The following WIF1 variants were observed in gnomAD, a reference collection of about 807,000 sequenced individuals.
The protein encoded by WIF1 is Wnt inhibitory factor 1.
Under a neutral mutation model 53.5 loss-of-function variants are expected in WIF1, and 35 were observed. The ratio of observed to expected loss-of-function variants is 0.65; its 90% CI spans 0.50 to 0.87. The LOEUF is 0.87. WIF1 is among the 40% of genes least tolerant of loss of function. The pLI is 0.00. For missense variants in WIF1, 467 were observed against 476.8 expected (o/e 0.98, Z 0.19); for synonymous variants, 171 against 170.4 (o/e 1.00, Z -0.03).
At position 65,055,111 on chromosome 12, in the gene WIF1, C is replaced by A. The variant is rs1185728047; in HGVS notation, c.1018+7G>T. ...CTTGTTTACAACTTTTTATTTCTCC[C>A]ACTCACTTTTATTGCAGTGTCTTCC... On this transcript the variant is annotated splice_region_variant and intron_variant, in intron 9 of 9. Transcript: ENST00000286574. The A allele has an allele frequency of 6.2e-7, 1 of 1,610,802 alleles. No homozygotes were observed. Among genetic ancestry groups the A allele is most frequent in the African/African-American group, 1.3e-5 (1 of 74,612 alleles).
intron 2 of WIF1, among the ~76,000 whole-genome samples, chr12:65,093,758 A>G (rs1049324805): frequency 1.3e-5 from 2 of 152,062 alleles, no homozygotes; most frequent in African/African-American, 4.8e-5. Flanking sequence ...AAGTTCCCGC[A>G]TGTGGATAGG....
chr12:65,093,393 C>T (rs1211702708), intron 2 of WIF1, among the ~76,000 whole-genome samples: 1 of 152,056 alleles, frequency 6.6e-6, no homozygotes, highest in Non-Finnish European at 1.5e-5. Context: ...TGTTTTTTGC[C>T]TGCTTAACAC....
rs553373889 is a variant in WIF1 at position 65,093,513 on chromosome 12, A to G, written c.289-15659T>C. Among the ~76,000 whole-genome samples, 4 of 152,274 alleles carry G rather than the reference A, an allele frequency of 2.6e-5. No homozygotes were observed. The South Asian group carries it at 8.3e-4, about 32-fold the overall frequency. Reference sequence around the variant, plus strand: ...AAATTGTTTTCTCCAAATTTTGAGTACTTGTAATTCCTGTTCCTAGATGTA... The same window carrying G: ...AAATTGTTTTCTCCAAATTTTGAGTGCTTGTAATTCCTGTTCCTAGATGTA... On this transcript the variant is annotated intron_variant, in intron 2 of 9. Transcript: ENST00000286574.
intron 3 of WIF1, among the ~76,000 whole-genome samples, chr12:65,069,453 C>T (rs1334845017): frequency 1.3e-5 from 2 of 152,130 alleles, no homozygotes; most frequent in Admixed American, 1.3e-4. Context: ...GACAAAATAT[C>T]TTCTTTGAAA....
chr12:65,104,960 G>T (rs1157154730), intron 2 of WIF1, among the ~76,000 whole-genome samples: 1 of 152,168 alleles, frequency 6.6e-6, no homozygotes, highest in African/African-American at 2.4e-5. Flanking sequence ...GAAGAAATTG[G>T]GGGTGTTTAT....
chr12:65,112,450 A>ACACC (rs1465604431), intron 2 of WIF1, among the ~76,000 whole-genome samples: 2 of 148,234 alleles, frequency 1.3e-5, no homozygotes, highest in African/African-American at 5.1e-5. Context: ...ACACACACAC[A>ACACC]CCATCCTGGA....
At position 65,121,182 on chromosome 12, in the gene WIF1, T is replaced by C; in HGVS notation, c.10A>G (p.Arg4Gly). The C allele has an allele frequency of 6.5e-7, 1 of 1,539,242 alleles. No homozygotes were observed. The highest frequency in any genetic ancestry group is 8.8e-7 in the Non-Finnish European group (1 of 1,141,368). The change falls in exon 1 of 10, where the codon AGG becomes GGG. Residue 4 changes from arginine to glycine, a missense_variant. Physicochemically the swap from Arg to Gly is moderately radical, Grantham distance 125. Transcript: ENST00000286574. MARRSAFPAAALWL... is the reference protein window; with the variant it reads MARGSAFPAAALWL... ...AGCGCGGCGGCAGGGAAGGCGCTCC[T>C]CCGGGCCATGCTGCTCAGGACCTCC...
At chr12:65,086,163 T>C (rs1285972543) in intron 2 of WIF1, among the ~76,000 whole-genome samples, 1 of 149,054 alleles carries the variant, frequency 6.7e-6, no homozygotes, top group Non-Finnish European at 1.5e-5. Flanking sequence ...AAAAAAAAGG[T>C]ATTGGTATAA....
intron 2 of WIF1, among the ~76,000 whole-genome samples, chr12:65,103,847 T>C (rs1883315968): frequency 6.6e-6 from 1 of 152,138 alleles, no homozygotes; most frequent in Non-Finnish European, 1.5e-5. Flanking sequence ...ACGTGTTTAA[T>C]GGAAATAAAA....
chr12:65,107,406 C>T (rs1883366780), intron 2 of WIF1, among the ~76,000 whole-genome samples: 1 of 152,142 alleles, frequency 6.6e-6, no homozygotes, highest in Non-Finnish European at 1.5e-5. Flanking sequence ...GGACTAATCA[C>T]TGAGGTCAGG....
chr12:65,090,569 A>T (rs1035241884), intron 2 of WIF1, among the ~76,000 whole-genome samples: 10 of 152,154 alleles, frequency 6.6e-5, no homozygotes, highest in African/African-American at 2.4e-4. Context: ...CTTGGGGGTC[A>T]GGAACAGCTT....
intron 2 of WIF1, among the ~76,000 whole-genome samples, chr12:65,090,195 C>T (rs1883102213): frequency 2.0e-5 from 3 of 152,134 alleles, no homozygotes. Flanking sequence ...AGAGCTGGCT[C>T]TTGAAGGGAG....
chr12:65,063,179 A>G (rs1184224748), intron 6 of WIF1, among the ~76,000 whole-genome samples: 1 of 152,186 alleles, frequency 6.6e-6, no homozygotes, highest in Non-Finnish European at 1.5e-5. Flanking sequence ...CACAGCAGGG[A>G]CCAGAGGATG....
At chr12:65,092,510 A>G (rs1452605237) in intron 2 of WIF1, among the ~76,000 whole-genome samples, 1 of 149,094 alleles carries the variant, frequency 6.7e-6, no homozygotes, top group Non-Finnish European at 1.5e-5. Context: ...ATATGTGTGT[A>G]TATATATATA....
At chr12:65,110,052 T>C (rs971706102) in intron 2 of WIF1, among the ~76,000 whole-genome samples, 1 of 152,228 alleles carries the variant, frequency 6.6e-6, no homozygotes, top group South Asian at 2.1e-4. Flanking sequence ...TTACCATTAA[T>C]GTTAAATGAC....
chr12:65,104,251 C>A (rs1475888019), intron 2 of WIF1, among the ~76,000 whole-genome samples: 1 of 152,142 alleles, frequency 6.6e-6, no homozygotes, highest in Non-Finnish European at 1.5e-5. Flanking sequence ...CAATTTCAAG[C>A]AAGTGTAACC....
chr12:65,117,655 T>C (rs971370650), intron 2 of WIF1, among the ~76,000 whole-genome samples: 5 of 152,172 alleles, frequency 3.3e-5, no homozygotes, highest in African/African-American at 9.7e-5. Flanking sequence ...CTCACCATCA[T>C]GTAGAATCAG....
chr12:65,089,597 C>T (rs914254656), intron 2 of WIF1, among the ~76,000 whole-genome samples: 4 of 152,146 alleles, frequency 2.6e-5, no homozygotes, highest in Non-Finnish European at 5.9e-5. Context: ...CCACATCCTG[C>T]CTCACAGGTC....
chr12:65,091,850 T>A (rs1036992810), intron 2 of WIF1, among the ~76,000 whole-genome samples: 9 of 152,192 alleles, frequency 5.9e-5, no homozygotes, highest in African/African-American at 2.2e-4. Flanking sequence ...CCAGTAAATA[T>A]TTACTGAGTA....
Sources: gnomAD v4.1 joint callset for allele counts (sites outside exome capture counted in the v4.1 genomes callset) on GRCh38, gnomAD v4.1.1 for gene constraint, MANE v1.5 for transcripts, NCBI Gene and HGNC (gene_info 2026-07-23, HGNC 2026-07-21) for gene names.